Variants in MAML2 observed in about 807,000 individuals in gnomAD.
MAML2 encodes mastermind-like protein 2.
Under a neutral mutation model 96.1 loss-of-function variants are expected in MAML2, and 22 were observed. The observed-to-expected ratio is 0.23, with a 90% confidence interval of 0.16 to 0.33. The LOEUF (loss-of-function observed/expected upper bound fraction) is 0.33. Among genes scored for constraint, MAML2 ranks in the 10% least tolerant of loss-of-function variants. The pLI is 1.00. For missense variants in MAML2, 1,367 were observed against 1,392.4 expected (o/e 0.98, Z 0.29); for synonymous variants, 561 against 521.3 (o/e 1.08, Z -1.04).
At chr11:96,283,619 G>C (rs1358013104) in intron 1 of MAML2, among the ~76,000 whole-genome samples, 1 of 152,172 alleles carries the variant, frequency 6.6e-6, no homozygotes, top group African/African-American at 2.4e-5. Flanking sequence ...ACAATTTAAA[G>C]AGAAGAGGAA....
chr11:96,124,960 G>A (rs1860413648), intron 1 of MAML2, among the ~76,000 whole-genome samples: 1 of 152,206 alleles, frequency 6.6e-6, no homozygotes, highest in African/African-American at 2.4e-5. Context: ...TGGTAAGAAT[G>A]AGTGATGGCC....
intron 1 of MAML2, among the ~76,000 whole-genome samples, chr11:96,247,065 ACTGT>A (rs1862522339): frequency 1.3e-5 from 2 of 152,092 alleles, no homozygotes; most frequent in Admixed American, 1.3e-4. Context: ...GTTGCTGGAA[ACTGT>A]CTGATTCATT....
chr11:96,254,718 G>A (rs1248149835), intron 1 of MAML2, among the ~76,000 whole-genome samples: 2 of 152,176 alleles, frequency 1.3e-5, no homozygotes, highest in Non-Finnish European at 2.9e-5. Flanking sequence ...AGTCGTTCCA[G>A]AGCAAAGATG....
At chr11:96,102,133 G>C (rs919509367) in intron 1 of MAML2, among the ~76,000 whole-genome samples, 1 of 152,100 alleles carries the variant, frequency 6.6e-6, no homozygotes, top group Admixed American at 6.5e-5. Context: ...AAAATTAGCC[G>C]GGCGTGGTGG....
At chr11:96,047,804 C>T (rs1266409191) in intron 2 of MAML2, among the ~76,000 whole-genome samples, 4 of 149,420 alleles carry the variant, frequency 2.7e-5, no homozygotes, top group South Asian at 2.1e-4. Flanking sequence ...CCCAGCTACT[C>T]GGGAGTCTGA....
At chr11:96,146,116 C>A (rs917265631) in intron 1 of MAML2, among the ~76,000 whole-genome samples, 3 of 152,168 alleles carry the variant, frequency 2.0e-5, no homozygotes, top group Admixed American at 1.3e-4. Flanking sequence ...CCTATAACCA[C>A]AAAGTGAGGG....
At chr11:96,082,766 G>A (rs185645660) in intron 2 of MAML2, among the ~76,000 whole-genome samples, 63 of 152,274 alleles carry the variant, frequency 4.1e-4, no homozygotes, top group Non-Finnish European at 7.2e-4. Context: ...GAAAGAAGGA[G>A]GTAAAAAGGA....
At chr11:96,240,185 C>T (rs911901013) in intron 1 of MAML2, among the ~76,000 whole-genome samples, 1 of 152,192 alleles carries the variant, frequency 6.6e-6, no homozygotes, top group Non-Finnish European at 1.5e-5. Flanking sequence ...ACTCAATTAG[C>T]TGTTCAATTT....
chr11:96,191,770 C>CAA (rs11396681), intron 1 of MAML2, among the ~76,000 whole-genome samples: 17,483 of 116,336 alleles, frequency 0.15, 1,445 homozygotes, highest in Non-Finnish European at 0.21. Flanking sequence ...AACTCTGTCT[C>CAA]AAAAAAAAAA....
intron 1 of MAML2, among the ~76,000 whole-genome samples, chr11:96,328,551 C>G (rs1039403122): frequency 6.6e-5 from 10 of 152,076 alleles, no homozygotes; most frequent in Admixed American, 5.9e-4. Context: ...CACGCCACCC[C>G]CCAAGATCGT....
intron 1 of MAML2, among the ~76,000 whole-genome samples, chr11:96,312,219 C>CAAAAAAAAAAAAAAAAAAAAAAAAAAA (rs34658278): frequency 1.9e-5 from 1 of 51,560 alleles, no homozygotes; most frequent in African/African-American, 9.3e-5. Flanking sequence ...GACTCTATCT[C>CAAAAAAAAAAAAAAAAAAAAAAAAAAA]AAAAAAAAAA....
intron 1 of MAML2, among the ~76,000 whole-genome samples, chr11:96,140,680 C>T (rs1039503042): frequency 2.0e-5 from 3 of 151,924 alleles, no homozygotes; most frequent in Admixed American, 1.3e-4. Flanking sequence ...TTCAGTAGTT[C>T]CCAAAGGACC....
chr11:96,331,223 T>C (rs374082024), intron 1 of MAML2, among the ~76,000 whole-genome samples: 1 of 152,074 alleles, frequency 6.6e-6, no homozygotes, highest in African/African-American at 2.4e-5. Flanking sequence ...TAAGCAGAGA[T>C]TGTGCCACTG....
chr11:96,300,247 C>T (rs1220278646), intron 1 of MAML2, among the ~76,000 whole-genome samples: 2 of 151,948 alleles, frequency 1.3e-5, no homozygotes, highest in Admixed American at 6.6e-5. Context: ...AAGAAATAGC[C>T]GGAGTGTTGA....
chr11:96,340,420 C>A (rs891542434), intron 1 of MAML2, among the ~76,000 whole-genome samples: 1 of 152,368 alleles, frequency 6.6e-6, no homozygotes, highest in South Asian at 2.1e-4. Context: ...CCAGAGGCCA[C>A]TGGTCCAGCA....
chr11:95,998,987 T>C (rs566279907), intron 2 of MAML2, among the ~76,000 whole-genome samples: 1 of 152,282 alleles, frequency 6.6e-6, no homozygotes, highest in East Asian at 1.9e-4. Context: ...TTTAAATGGG[T>C]ACCCTTTTTC....
intron 1 of MAML2, among the ~76,000 whole-genome samples, chr11:96,317,935 A>G (rs1000267071): frequency 6.6e-6 from 1 of 152,252 alleles, no homozygotes; most frequent in African/African-American, 2.4e-5. Context: ...ACTCCTGAGG[A>G]CAAATCAAGA....
rs1017748171 is a variant in MAML2 at position 96,206,326 on chromosome 11, G to A, written c.514-112809C>T. ...TTGAAATTGCCGGATAGGCGGGTGC[G>A]GTGGCTCATGCCTGTAATCCCAGCA... On this transcript the variant is annotated intron_variant, in intron 1 of 4. Coordinates refer to ENST00000524717, the MANE Select transcript of MAML2 (RefSeq NM_032427.4). Among the ~76,000 whole-genome samples, 6 of 152,166 alleles carry A rather than the reference G, an allele frequency of 3.9e-5. No homozygotes were observed. The South Asian group carries it at 6.2e-4, about 16-fold the overall frequency.
chr11:96,213,133 A>G (rs111632696), intron 1 of MAML2, among the ~76,000 whole-genome samples: 1 of 152,310 alleles, frequency 6.6e-6, no homozygotes, highest in African/African-American at 2.4e-5. Context: ...TGACCCACAC[A>G]GGAAAAGAGT....
Sources: gnomAD v4.1 joint callset for allele counts (sites outside exome capture counted in the v4.1 genomes callset) on GRCh38, gnomAD v4.1.1 for gene constraint, MANE v1.5 for transcripts, NCBI Gene and HGNC (gene_info 2026-07-23, HGNC 2026-07-21) for gene names.